The following LDB2 variants were observed in gnomAD, a reference collection of about 807,000 sequenced individuals.
LDB2 encodes the protein LIM domain binding 2.
A neutral mutation model predicts 44.3 loss-of-function variants in LDB2; 12 were observed. The observed-to-expected ratio is 0.27, with a 90% CI of 0.17 to 0.44. The LOEUF (loss-of-function observed/expected upper bound fraction) is 0.44, where lower values mean the gene tolerates loss of function less well. Among genes scored for constraint, LDB2 ranks in the 20% least tolerant of loss-of-function variants. LDB2 has a pLI of 1.00. For missense variants in LDB2, 344 were observed against 473.5 expected, an observed-to-expected ratio of 0.73 and a Z score of 2.54; for synonymous variants, 164 against 174.8, an observed-to-expected ratio of 0.94 and a Z score of 0.49.
chr4:16,551,662 C>T (rs1055563043), intron 5 of LDB2, among the ~76,000 whole-genome samples: 1 of 151,998 alleles, frequency 6.6e-6, no homozygotes, highest in Non-Finnish European at 1.5e-5. Context: ...GGATTATAGG[C>T]GCCTGCCACC....
At chr4:16,615,513 C>G (rs1379571144) in intron 2 of LDB2, among the ~76,000 whole-genome samples, 2 of 152,030 alleles carry the variant, frequency 1.3e-5, no homozygotes, top group Non-Finnish European at 2.9e-5. Flanking sequence ...GAACAGAAAA[C>G]CAAACACCAC....
chr4:16,518,399 C>T (rs1191178498), intron 5 of LDB2, among the ~76,000 whole-genome samples: 1 of 152,010 alleles, frequency 6.6e-6, no homozygotes, highest in Admixed American at 6.6e-5. Context: ...GTGTGACATC[C>T]TATGGCCTTG....
rs181508226 is a variant in LDB2, at chr4:16,835,068, G to A, written c.132+63286C>T. Among the ~76,000 whole-genome samples the A allele has an allele frequency of 2.2e-3, 338 of 152,216 alleles. 6 individuals carry two copies. The highest frequency in any genetic ancestry group is 1.7e-3 in the South Asian group (8 of 4,828). On this transcript the variant is annotated intron_variant, in intron 1 of 7. Coordinates refer to ENST00000304523, the MANE Select transcript of LDB2 (RefSeq NM_001290.5). ...ATCCCAGTGGCTTGGTTATTATGCCGCATAGACAATGAAGGAATTGCTAAT... is the reference window on the plus strand; with the variant it reads ...ATCCCAGTGGCTTGGTTATTATGCCACATAGACAATGAAGGAATTGCTAAT...
At chr4:16,846,981 G>A (rs924304091) in intron 1 of LDB2, among the ~76,000 whole-genome samples, 3 of 152,266 alleles carry the variant, frequency 2.0e-5, no homozygotes, top group Admixed American at 1.3e-4. Context: ...TATACTGAGA[G>A]CTGGAGAAGA....
chr4:16,887,020 G>A (rs1315174211), intron 1 of LDB2, among the ~76,000 whole-genome samples: 8 of 100,494 alleles, frequency 8.0e-5, no homozygotes, highest in East Asian at 3.2e-4. Context: ...GCGACAGAGC[G>A]AAACTCCGTC....
chr4:16,888,787 T>C (rs1360109063), intron 1 of LDB2: 2 of 829,716 alleles, frequency 2.4e-6, no homozygotes, highest in African/African-American at 3.7e-5. Flanking sequence ...TATACATGCA[T>C]TTATTCTTTA....
intron 2 of LDB2, among the ~76,000 whole-genome samples, chr4:16,597,092 A>G (rs1014517681): frequency 2.0e-5 from 3 of 152,240 alleles, no homozygotes; most frequent in Admixed American, 6.5e-5. Context: ...ATTTAATTTC[A>G]TTTTAAAAGA....
chr4:16,897,905 T>TATATATATATATATATATATACAC (rs1725572736), intron 1 of LDB2, among the ~76,000 whole-genome samples: 1 of 20,738 alleles, frequency 4.8e-5, no homozygotes, highest in South Asian at 1.6e-3. Context: ...AATATATATA[T>TATATATATATATATATATATACAC]ATATATATAT....
chr4:16,702,496 C>G (rs1753676395), intron 2 of LDB2, among the ~76,000 whole-genome samples: 1 of 152,152 alleles, frequency 6.6e-6, no homozygotes. Context: ...TGTGCTCCTC[C>G]AAGGCCAGTT....
At chr4:16,711,990 G>C (rs147615532) in intron 2 of LDB2, among the ~76,000 whole-genome samples, 2 of 151,988 alleles carry the variant, frequency 1.3e-5, no homozygotes, top group African/African-American at 4.8e-5. Context: ...GATAACATAG[G>C]CCTTAGGTTA....
At chr4:16,831,074 A>G (rs1041564562) in intron 1 of LDB2, among the ~76,000 whole-genome samples, 4 of 152,176 alleles carry the variant, frequency 2.6e-5, no homozygotes, top group African/African-American at 9.7e-5. Context: ...AATGGGGTTG[A>G]ATAGAACGGT....
In LDB2 at chr4:16,873,904, C is replaced by T. The variant is rs930046397; in HGVS notation, c.132+24450G>A. On this transcript the variant is annotated intron_variant, in intron 1 of 7. Coordinates refer to ENST00000304523, the MANE Select transcript of LDB2 (RefSeq NM_001290.5). ...GAATTACTGTTTCCATCCACGTAAT[C>T]TACAATATGTGGTGTTTTGTGAAAG... is the stretch of plus-strand genomic sequence containing the variant. 1.9e-4 allele frequency among the ~76,000 whole-genome samples: 29 copies of T among 152,142 alleles called. 1 individual carries two copies. The highest frequency in any genetic ancestry group is 2.4e-5 in the African/African-American group (1 of 41,436).
intron 2 of LDB2, among the ~76,000 whole-genome samples, chr4:16,678,842 T>C (rs766737083): frequency 1.7e-4 from 26 of 152,228 alleles, no homozygotes; most frequent in Admixed American, 9.8e-4. Flanking sequence ...TCCACTCATC[T>C]AACAACCTAT....
In LDB2 at chr4:16,512,086, G is replaced by A. The variant is rs1255610569; in HGVS notation, c.634C>T (p.Pro212Ser). The A allele has an allele frequency of 6.2e-7, 1 of 1,612,226 alleles. No homozygotes were observed. ...NYLRLCVILE[P>S]MQELMSRHKT... ...TGTCTCGACATCAGTTCCTGCATTG[G>A]CTCCAATATTACACACAACTGCAAG... The change falls in exon 6 of 8, where the codon CCA becomes TCA. Residue 212 changes from proline (P) to serine (S), a missense_variant. This residue lies in a region of LDB2 where 226 missense variants were observed against 270.1 expected (regional missense o/e 0.84). Coordinates refer to ENST00000304523, the MANE Select transcript of LDB2 (RefSeq NM_001290.5).
intron 1 of LDB2, among the ~76,000 whole-genome samples, chr4:16,801,521 C>G (rs74746392): frequency 5.3e-5 from 8 of 152,074 alleles, no homozygotes; most frequent in Non-Finnish European, 1.0e-4. Context: ...ATACTGTAGA[C>G]ATTTTCTTAG....
At chr4:16,775,975 A>G (rs1036536164) in intron 1 of LDB2, among the ~76,000 whole-genome samples, 21 of 152,214 alleles carry the variant, frequency 1.4e-4, no homozygotes, top group African/African-American at 4.3e-4. Context: ...TTAGCTATTC[A>G]ATTTGCTTCC....
intron 5 of LDB2, among the ~76,000 whole-genome samples, chr4:16,527,596 T>C (rs1728682682): frequency 6.6e-6 from 1 of 152,002 alleles, no homozygotes; most frequent in South Asian, 2.1e-4. Flanking sequence ...AGTAAGTCAT[T>C]ATATGAAAAA....
At chr4:16,656,772 C>T (rs901694790) in intron 2 of LDB2, among the ~76,000 whole-genome samples, 3 of 151,992 alleles carry the variant, frequency 2.0e-5, no homozygotes, top group East Asian at 1.9e-4. Flanking sequence ...TTTCTTTGTA[C>T]TATATAACAT....
At chr4:16,639,823 A>G (rs911097542) in intron 2 of LDB2, among the ~76,000 whole-genome samples, 1 of 152,256 alleles carries the variant, frequency 6.6e-6, no homozygotes, top group African/African-American at 2.4e-5. Flanking sequence ...CAATAAATAC[A>G]TAACCAGGGA....
Sources: gnomAD v4.1 joint callset for allele counts (sites outside exome capture counted in the v4.1 genomes callset) on GRCh38, gnomAD v4.1.1 for gene constraint, gnomAD v4.1.1 regional missense constraint, MANE v1.5 for transcripts, NCBI Gene and HGNC (gene_info 2026-07-23, HGNC 2026-07-21) for gene names.